ZNF766: variants seen among roughly 807,000 people sequenced by gnomAD.
ZNF766 encodes zinc finger protein 766.
In ZNF766, 13 loss-of-function variants were observed where a neutral mutation model predicts 13.2. That is an observed-to-expected ratio of 0.98 (90% CI 0.64 to 1.56). ZNF766 has a LOEUF of 1.56. Ranked by LOEUF, ZNF766 falls within the 40% of genes most tolerant of loss-of-function variation. ZNF766 has a pLI of 0.00. For missense variants in ZNF766, 521 were observed against 552.2 expected (o/e 0.94, Z 0.57); for synonymous variants, 178 against 187.6 (o/e 0.95, Z 0.42).
rs983834569 is a variant in ZNF766 at position 52,294,612 on chromosome 19, G to C, written c.*3414G>C. 6.6e-6 allele frequency: 1 copy of C among 152,244 alleles called. No individual in the cohort carries two copies. Among genetic ancestry groups the C allele is most frequent in the African/African-American group, 2.4e-5 (1 of 41,454 alleles). 9.4% of individuals were successfully genotyped at this position (152,244 alleles called of 1,614,324 possible). Reference sequence around the variant, plus strand: ...TTTGAACTTTCAGCTGGTGCCAAAGGAGTGGGCACTGAGGATTTTTCAGTT... The same window carrying C: ...TTTGAACTTTCAGCTGGTGCCAAAGCAGTGGGCACTGAGGATTTTTCAGTT... On this transcript the variant is annotated 3_prime_UTR_variant, in exon 4 of 4. Coordinates refer to ENST00000439461, the MANE Select transcript of ZNF766 (RefSeq NM_001010851.3).
In ZNF766 at chr19:52,282,076, C is replaced by T. The variant is rs776753515; in HGVS notation, c.19-35C>T. 3.2e-6 allele frequency: 5 copies of T among 1,583,876 alleles called. No homozygotes were observed. In the South Asian group the frequency reaches 5.5e-5, roughly 17 times the overall value. On this transcript the variant is annotated intron_variant, in intron 1 of 3. Coordinates refer to ENST00000439461, the MANE Select transcript of ZNF766 (RefSeq NM_001010851.3). ...TTCGTGTGAACATAATTACTCTCTC[C>T]TTACCCTGTTGGTCAAATACATCTT...
chr19:52,280,820 T>C (rs1413329954), intron 1 of ZNF766, among the ~76,000 whole-genome samples: 1 of 149,880 alleles, frequency 6.7e-6, no homozygotes, highest in Non-Finnish European at 1.5e-5. Flanking sequence ...GACCCCATGA[T>C]CCACCTGCCT....
At chr19:52,272,516 G>T (rs1460841262) in intron 1 of ZNF766, among the ~76,000 whole-genome samples, 1 of 152,046 alleles carries the variant, frequency 6.6e-6, no homozygotes, top group Non-Finnish European at 1.5e-5. Context: ...ACCCAGACTG[G>T]AGTGCAGTGG....
At chr19:52,269,680 C>G in intron 1 of ZNF766, 49 bp downstream of exon 1, 2 of 1,609,378 alleles carry the variant, frequency 1.2e-6, no homozygotes, top group Non-Finnish European at 1.7e-6. Flanking sequence ...GGTGCCCTCA[C>G]GCTTCTGTAC....
chr19:52,272,314 C>G (rs1981012411), intron 1 of ZNF766, among the ~76,000 whole-genome samples: 1 of 152,136 alleles, frequency 6.6e-6, no homozygotes, highest in Admixed American at 6.5e-5. Context: ...TGTTGCACAG[C>G]TGATCATTCC....
intron 3 of ZNF766, among the ~76,000 whole-genome samples, chr19:52,289,187 G>A (rs1235199128): frequency 7.4e-6 from 1 of 135,908 alleles, no homozygotes; most frequent in East Asian, 2.2e-4. Context: ...TTCTCATTCT[G>A]TCACTCAGGC....
intron 1 of ZNF766, among the ~76,000 whole-genome samples, chr19:52,273,862 T>A (rs577703210): frequency 1.3e-5 from 2 of 152,306 alleles, no homozygotes; most frequent in East Asian, 3.9e-4. Context: ...TGTTTTCACA[T>A]TGGAGTGCAG....
At chr19:52,280,731 C>T (rs1220952131) in intron 1 of ZNF766, among the ~76,000 whole-genome samples, 3 of 151,894 alleles carry the variant, frequency 2.0e-5, no homozygotes, top group African/African-American at 7.2e-5. Context: ...TACAGGCATG[C>T]ACCGCCACAC....
intron 1 of ZNF766, among the ~76,000 whole-genome samples, chr19:52,280,399 A>G (rs938904110): frequency 1.3e-5 from 2 of 152,114 alleles, no homozygotes; most frequent in Admixed American, 1.3e-4. Context: ...ATCATCTAAA[A>G]AATAGGTCAT....
At chr19:52,275,644 CTT>C (rs1981154981) in intron 1 of ZNF766, 1 of 150,426 alleles carries the variant, frequency 6.6e-6, no homozygotes, top group Non-Finnish European at 1.5e-5. Flanking sequence ...TTTTTAAACT[CTT>C]ATACCATATG....
At chr19:52,285,586 A>C (rs1240611571) in intron 3 of ZNF766, among the ~76,000 whole-genome samples, 2 of 152,244 alleles carry the variant, frequency 1.3e-5, no homozygotes, top group Admixed American at 1.3e-4. Context: ...AGGACTGTGG[A>C]GCTTCCAAGC....
At chr19:52,285,894 A>G (rs921648433) in intron 3 of ZNF766, among the ~76,000 whole-genome samples, 1 of 152,184 alleles carries the variant, frequency 6.6e-6, no homozygotes, top group African/African-American at 2.4e-5. Flanking sequence ...AGACTGTAGC[A>G]AGGGCTATGG....
chr19:52,281,479 A>G, intron 1 of ZNF766: 1 of 277,546 alleles, frequency 3.6e-6, no homozygotes. Flanking sequence ...AGATTGCGCC[A>G]CTGCACTCCA....
At chr19:52,273,846 C>T (rs540745637) in intron 1 of ZNF766, among the ~76,000 whole-genome samples, 10 of 152,326 alleles carry the variant, frequency 6.6e-5, no homozygotes, top group African/African-American at 2.4e-4. Context: ...GAGTGGAGCT[C>T]ACCCCTGTTT....
intron 3 of ZNF766, among the ~76,000 whole-genome samples, chr19:52,288,689 C>G (rs1981954664): frequency 6.7e-6 from 1 of 148,676 alleles, no homozygotes; most frequent in Non-Finnish European, 1.5e-5. Context: ...CCACCACACC[C>G]AGCCGTTTTT....
chr19:52,285,672 T>C (rs867201774), intron 3 of ZNF766, among the ~76,000 whole-genome samples: 7 of 152,274 alleles, frequency 4.6e-5, no homozygotes, highest in Middle Eastern at 3.4e-3. Flanking sequence ...CCAGTCCTCT[T>C]GGGTTTTCAT....
rs1002533082 is a variant in ZNF766, at chr19:52,291,739, G to A, written c.*541G>A. On this transcript the variant is annotated 3_prime_UTR_variant, in exon 4 of 4. Coordinates refer to ENST00000439461, the MANE Select transcript of ZNF766 (RefSeq NM_001010851.3). ...ATCGCGCCACTGCACTCCAACCTGGGTGACAGAGCGAGACTCCGTCTCAAA... is the reference window on the plus strand; with the variant it reads ...ATCGCGCCACTGCACTCCAACCTGGATGACAGAGCGAGACTCCGTCTCAAA... 6.2e-6 allele frequency: 1 copy of A among 162,106 alleles called. No homozygotes were observed. The highest frequency in any genetic ancestry group is 1.3e-5 in the Non-Finnish European group (1 of 75,236). The allele number at this position is 162,106 out of a possible 1,614,324, so 10.0% of individuals were successfully genotyped here.
At chr19:52,287,229 G>A (rs1180952498) in intron 3 of ZNF766, among the ~76,000 whole-genome samples, 7 of 151,488 alleles carry the variant, frequency 4.6e-5, no homozygotes, top group African/African-American at 4.9e-5. Context: ...TGCAACCTCC[G>A]CCTCCCGGGT....
Position 52,292,297 on chromosome 19 carries a change from A to G in ZNF766, c.*1099A>G. The stretch of plus-strand genomic sequence containing the variant: ...TGATTTAGAGACCATGGAGGTGGAC[A>G]GAGAATAACAAAACCGTGATGGCAG... On this transcript the variant is annotated 3_prime_UTR_variant, in exon 4 of 4. Transcript: ENST00000439461. 3.1e-6 allele frequency: 2 copies of G among 652,378 alleles called. No individual in the cohort carries two copies. Among genetic ancestry groups the G allele is most frequent in the East Asian group, 2.7e-5 (1 of 36,640 alleles). The allele number at this position is 652,378 out of a possible 1,614,324, so 40.4% of individuals were successfully genotyped here.
Sources: gnomAD v4.1 joint callset for allele counts (sites outside exome capture counted in the v4.1 genomes callset) on GRCh38, gnomAD v4.1.1 for gene constraint, MANE v1.5 for transcripts, NCBI Gene and HGNC (gene_info 2026-07-23, HGNC 2026-07-21) for gene names.